ACADVL: variants seen among roughly 807,000 people sequenced by gnomAD.
ACADVL encodes acyl-CoA dehydrogenase very long chain.
Under a neutral mutation model 80.4 loss-of-function variants are expected in ACADVL, and 73 were observed. The ratio of observed to expected loss-of-function variants is 0.91; its 90% CI spans 0.75 to 1.10. The LOEUF is 1.10. Among genes scored for constraint, ACADVL ranks in the 50% least tolerant of loss-of-function variants. The pLI is 0.00. For missense variants in ACADVL, 878 were observed against 858.9 expected (o/e 1.02, Z -0.28); for synonymous variants, 392 against 326.5 (o/e 1.20, Z -2.16).
chr17:7,219,479 C>A, upstream of ACADVL: 1 of 1,041,402 alleles, frequency 9.6e-7, no homozygotes, highest in Non-Finnish European at 1.2e-6. Context: ...GGTACTCACA[C>A]CCTAGCTTGG....
In ACADVL at chr17:7,221,561, G is replaced by A. The variant is rs2142974194; in HGVS notation, c.501G>A (p.Val167=). The A allele has an allele frequency of 6.2e-7, 1 of 1,614,126 alleles. No homozygotes were observed. Among genetic ancestry groups the A allele is most frequent in the Middle Eastern group, 1.7e-4 (1 of 6,060 alleles). ...NTQYARLVEI[V]GMHDLGVGIT... ...AGTACGCCCGTTTGGTGGAGATCGT[G>A]GGCATGCATGACCTTGGCGTGGGCA... Residue 167 remains valine, a synonymous_variant, in exon 7 of 20, where the codon GTG becomes GTA. Transcript: ENST00000356839.
At chr17:7,221,099 C>G in intron 6 of ACADVL, 41 bp downstream of exon 6, 2 of 1,611,756 alleles carry the variant, frequency 1.2e-6, no homozygotes, top group South Asian at 2.2e-5. Flanking sequence ...TGCCATACCC[C>G]AGCTTGGCAG....
chr17:7,221,770 C>T, intron 7 of ACADVL, 88 bp downstream of exon 7: 1 of 1,603,540 alleles, frequency 6.2e-7, no homozygotes, highest in East Asian at 2.2e-5. Context: ...TATCAGATGG[C>T]TGAGCATTTC....
chr17:7,217,922 C>A, upstream of ACADVL: 1 of 1,137,192 alleles, frequency 8.8e-7, no homozygotes, highest in Non-Finnish European at 1.3e-6. Flanking sequence ...GGTAGGGGGT[C>A]GGGTGTGAGG....
rs1555529186 is a variant in ACADVL at position 7,225,007 on chromosome 17, G to A, written c.1878G>A (p.Trp626Ter). Reference protein sequence around the residue: ...EGMAALQSDPWQQELYRNFKS... With the variant: ...EGMAALQSDP ...TGGCCGCCCTGCAGTCTGACCCCTG[G>A]CAGCAAGAGCTCTACCGCAACTTCA... is the stretch of plus-strand genomic sequence containing the variant. The change falls in exon 20 of 20, where the codon TGG (tryptophan) becomes TGA (stop). Residue 626 changes from tryptophan to a stop codon, truncating the protein, a stop_gained. Coordinates refer to ENST00000356839, the MANE Select transcript of ACADVL (RefSeq NM_000018.4). LOFTEE classifies it high-confidence loss of function. 1 of 1,614,080 alleles carries A rather than the reference G, an allele frequency of 6.2e-7. No individual in the cohort carries two copies. Among genetic ancestry groups the A allele is most frequent in the Admixed American group, 1.7e-5 (1 of 60,028 alleles).
intron 11 of ACADVL, 72 bp from the exon 12 acceptor site, chr17:7,223,572 C>G: frequency 3.3e-6 from 5 of 1,519,122 alleles, no homozygotes; most frequent in African/African-American, 1.4e-5. Flanking sequence ...TCTTGGAGAT[C>G]TGGGTGATGA....
At chr17:7,218,597 C>T (rs867202919), upstream of ACADVL, 5 of 1,566,380 alleles carry the variant, frequency 3.2e-6, no homozygotes, top group African/African-American at 1.4e-5. Context: ...GGGTGCCCAC[C>T]GCAGCAGTGG....
chr17:7,223,136 G>T lies in ACADVL; in HGVS notation c.1081G>T (p.Asp361Tyr), dbSNP rs1331739604. 10 of 1,612,760 alleles carry T rather than the reference G, an allele frequency of 6.2e-6. No homozygotes were observed. In the South Asian group the frequency reaches 1.1e-4, roughly 18 times the overall value. ...GGATGTGTGGACCCTCTTCCAGGTA[G>T]ATCATGCCACTAATCGTACCCAGTT... ...TMRGIIAKAV[D>Y]HATNRTQFGE... Residue 361 changes from aspartate to tyrosine, a missense_variant, in exon 11 of 20, where the codon GAT (aspartate) becomes TAT (tyrosine). Coordinates refer to ENST00000356839, the MANE Select transcript of ACADVL (RefSeq NM_000018.4).
chr17:7,222,530 G>T, intron 9 of ACADVL, 137 bp from the exon 10 acceptor site: 1 of 1,181,750 alleles, frequency 8.5e-7, no homozygotes, highest in Non-Finnish European at 1.2e-6. Flanking sequence ...CAGGGCCTGA[G>T]GGGAAGTGGT....
rs886053372 is a variant in ACADVL at position 7,220,505 on chromosome 17, G to C, written c.180G>C (p.Leu60=). Residue 60 remains leucine, a synonymous_variant, in exon 3 of 20, where the codon CTG becomes CTC. Coordinates refer to ENST00000356839, the MANE Select transcript of ACADVL (RefSeq NM_000018.4). ...DKSDSHPSDA[L]TRKKPAKAES... ...CAGATTCCCACCCCTCTGACGCTCTGACCAGGAAAAAACCGGCCAAGGCGG... is the reference window on the plus strand; with the variant it reads ...CAGATTCCCACCCCTCTGACGCTCTCACCAGGAAAAAACCGGCCAAGGCGG... The C allele has an allele frequency of 1.2e-6, 2 of 1,614,182 alleles. No individual in the cohort carries two copies. The highest frequency in any genetic ancestry group is 1.7e-6 in the Non-Finnish European group (2 of 1,180,028).
At chr17:7,224,580 C>T in intron 17 of ACADVL, 28 bp downstream of exon 17, 3 of 1,606,696 alleles carry the variant, frequency 1.9e-6, no homozygotes, top group South Asian at 1.1e-5. Flanking sequence ...CATTCCGCCC[C>T]TCCCTTTCCT....
chr17:7,218,589 G>A (rs1313094792), upstream of ACADVL: 3 of 1,566,946 alleles, frequency 1.9e-6, no homozygotes, highest in South Asian at 2.4e-5. Flanking sequence ...AGGAGTGGGG[G>A]TGCCCACCGC....
chr17:7,221,590 C>T lies in ACADVL; in HGVS notation c.530C>T (p.Thr177Ile), dbSNP rs747257804. ...VGMHDLGVGI[T>I]LGAHQSIGFK... is the part of the protein sequence containing the mutation. ...ATGCATGACCTTGGCGTGGGCATTACCCTGGGGGCCCATCAGAGCATCGGT... is the reference window on the plus strand; with the variant it reads ...ATGCATGACCTTGGCGTGGGCATTATCCTGGGGGCCCATCAGAGCATCGGT... The change falls in exon 7 of 20, where the codon ACC becomes ATC. Residue 177 changes from threonine (T) to isoleucine (I), a missense_variant. By Grantham distance (89) the Thr-to-Ile change is moderately conservative (BLOSUM62 -1). Transcript: ENST00000356839. 1.9e-6 allele frequency: 3 copies of T among 1,614,062 alleles called. No homozygotes were observed. In the South Asian group the frequency reaches 3.3e-5, roughly 18 times the overall value.
At chr17:7,219,049 C>T (rs2071066459), upstream of ACADVL, 1 of 634,130 alleles carries the variant, frequency 1.6e-6, no homozygotes, top group Non-Finnish European at 2.8e-6. Flanking sequence ...GCAGGCAGAA[C>T]CTAGCCACGC....
Position 7,222,027 on chromosome 17 carries a change from T to C in ACADVL, c.698T>C (p.Val233Ala). 1 of 1,614,150 alleles carries C rather than the reference T, an allele frequency of 6.2e-7. No individual in the cohort carries two copies. The highest frequency in any genetic ancestry group is 8.5e-7 in the Non-Finnish European group (1 of 1,180,028). Residue 233 changes from valine (V) to alanine (A), a missense_variant, in exon 8 of 20, where the codon GTG becomes GCG. Transcript: ENST00000356839. ...SDAASIRTSA[V>A]PSPCGKYYTL... is the part of the protein sequence containing the mutation. Reference sequence around the variant, plus strand: ...GCAGCCTCCATCCGAACCTCTGCTGTGCCCAGCCCCTGTGGAAAATACTAT... The same window carrying C: ...GCAGCCTCCATCCGAACCTCTGCTGCGCCCAGCCCCTGTGGAAAATACTAT...
chr17:7,224,331 C>T lies in ACADVL; in HGVS notation c.1543C>T (p.Leu515=). The T allele has an allele frequency of 6.2e-7, 1 of 1,613,850 alleles. No individual in the cohort carries two copies. The highest frequency in any genetic ancestry group is 8.5e-7 in the Non-Finnish European group (1 of 1,179,984). Residue 515 remains leucine, a synonymous_variant, in exon 16 of 20, where the codon CTG becomes TTG. Coordinates refer to ENST00000356839, the MANE Select transcript of ACADVL (RefSeq NM_000018.4). ...AGKQLRRRAG[L]GSGLSLSGLV... ...CCCTCTTCCTCTCAGGCGGGCAGGG[C>T]TGGGCAGCGGCCTGAGTCTCAGCGG... is the stretch of plus-strand genomic sequence containing the variant.
upstream of ACADVL, chr17:7,218,355 T>G: frequency 2.0e-6 from 3 of 1,520,092 alleles, no homozygotes; most frequent in Non-Finnish European, 2.7e-6. Flanking sequence ...TCATCACCGC[T>G]GCTGGCTGGC....
intron 10 of ACADVL, 118 bp downstream of exon 10, chr17:7,222,983 A>T: frequency 6.9e-7 from 1 of 1,459,706 alleles, no homozygotes. Flanking sequence ...CCCTACCAGC[A>T]GCCCGACTTG....
rs1242281823 is a variant in ACADVL at position 7,224,234 on chromosome 17, A to G, written c.1523A>G (p.Gln508Arg). The G allele has an allele frequency of 1.9e-6, 3 of 1,613,930 alleles. No individual in the cohort carries two copies. Among genetic ancestry groups the G allele is most frequent in the South Asian group, 2.2e-5 (2 of 91,084 alleles). The change falls in exon 15 of 20, where the codon CAG becomes CGG. Residue 508 changes from glutamine to arginine, a missense_variant. Transcript: ENST00000356839. ...CTCCTGCTAGGAGAGGCAGGCAAAC[A>G]GCTGAGGCGGTAGGCTTAGGGCCAG... ...AGLLLGEAGK[Q>R]LRRRAGLGSG...
Sources: gnomAD v4.1 joint callset for allele counts on GRCh38, gnomAD v4.1.1 for gene constraint, MANE v1.5 for transcripts, NCBI Gene and HGNC (gene_info 2026-07-23, HGNC 2026-07-21) for gene names.